MTOR: variants seen among roughly 807,000 people sequenced by gnomAD.
MTOR encodes the protein serine/threonine-protein kinase mTOR.
A neutral mutation model predicts 319.8 loss-of-function variants in MTOR; 70 were observed. The observed-to-expected ratio is 0.22, with a 90% CI of 0.18 to 0.27. MTOR has a LOEUF of 0.27. MTOR is among the 10% of genes least tolerant of loss of function. The pLI is 1.00. For synonymous variants in MTOR, 1,183 were observed against 1,211.4 expected (o/e 0.98, Z 0.49); for missense variants, 1,890 against 3,274.4 (o/e 0.58, Z 10.32).
intron 19 of MTOR, among the ~76,000 whole-genome samples, chr1:11,222,965 A>G (rs1013699421): frequency 1.3e-5 from 2 of 151,994 alleles, no homozygotes; most frequent in Non-Finnish European, 2.9e-5. Context: ...CATATGGAAA[A>G]TATCTGTTTA....
chr1:11,162,371 T>C (rs1243541432), intron 29 of MTOR, among the ~76,000 whole-genome samples: 2 of 152,158 alleles, frequency 1.3e-5, no homozygotes, highest in African/African-American at 4.8e-5. Context: ...CAGGATATTA[T>C]CCAGGAGAAC....
At chr1:11,227,022 G>T (rs1455136693) in intron 19 of MTOR, among the ~76,000 whole-genome samples, 1 of 145,194 alleles carries the variant, frequency 6.9e-6, no homozygotes, top group African/African-American at 2.6e-5. Flanking sequence ...TTCCGGCCAG[G>T]CGTGGTGGCT....
rs371009352 is a variant in MTOR, at chr1:11,204,512, T to C, written c.3944+49A>G. 39 of 1,562,982 alleles carry C rather than the reference T, an allele frequency of 2.5e-5. 1 individual carries two copies. Among genetic ancestry groups the C allele is most frequent in the Admixed American group, 2.1e-4 (11 of 51,218 alleles). ...CTTCTAATAAAAACTAATTTGTATA[T>C]ATCGTTTTCTATGTGCTGATCTTCT... On this transcript the variant is annotated intron_variant, in intron 26 of 57. Transcript: ENST00000361445.
chr1:11,193,518 G>C (rs1338184629), intron 28 of MTOR: 3 of 1,474,178 alleles, frequency 2.0e-6, no homozygotes, highest in Non-Finnish European at 2.7e-6. Flanking sequence ...TGGGAAGCCT[G>C]CCCTCTTGCT....
chr1:11,222,346 G>GC (rs1646695351), intron 19 of MTOR, among the ~76,000 whole-genome samples: 1 of 151,950 alleles, frequency 6.6e-6, no homozygotes, highest in African/African-American at 2.4e-5. Context: ...ACAGGTGCCT[G>GC]CCACCATGCC....
intron 28 of MTOR, chr1:11,189,878 G>A (rs143359087): frequency 1.2e-6 from 2 of 1,614,194 alleles, no homozygotes; most frequent in Non-Finnish European, 1.7e-6. Context: ...GATGCTGAGA[G>A]CAAGTACTCC....
chr1:11,246,108 T>C (rs907939866), intron 8 of MTOR, among the ~76,000 whole-genome samples: 4 of 152,238 alleles, frequency 2.6e-5, no homozygotes, highest in African/African-American at 7.2e-5. Flanking sequence ...CAAATACTTA[T>C]ACGGTGTGCC....
chr1:11,233,897 A>G (rs1412807933), intron 14 of MTOR, among the ~76,000 whole-genome samples: 1 of 152,170 alleles, frequency 6.6e-6, no homozygotes, highest in Admixed American at 6.5e-5. Flanking sequence ...CTTTCCAAAC[A>G]TCTGCGATGA....
chr1:11,121,933 T>A lies in MTOR; in HGVS notation c.6810+46A>T. The stretch of plus-strand genomic sequence containing the variant: ...ATGAGAAAAGCAGCGCTACGGAGAT[T>A]CCCTGCCACGGAAGGGGCACTAGCT... On this transcript the variant is annotated intron_variant, in intron 48 of 57. Coordinates refer to ENST00000361445, the MANE Select transcript of MTOR (RefSeq NM_004958.4). This position sits in a 1 kb window ranked among gnomAD's most constrained non-coding sequence, Gnocchi z 4.9. The A allele has an allele frequency of 6.2e-7, 1 of 1,606,290 alleles. No homozygotes were observed. Among genetic ancestry groups the A allele is most frequent in the Non-Finnish European group, 8.5e-7 (1 of 1,174,744 alleles).
At chr1:11,225,388 AAAT>A (rs985432503) in intron 19 of MTOR, among the ~76,000 whole-genome samples, 3 of 151,606 alleles carry the variant, frequency 2.0e-5, no homozygotes, top group Admixed American at 6.6e-5. Context: ...AGAAAAAGTA[AAAT>A]AATAATAGAT....
At chr1:11,229,848 A>G (rs1226292009) in intron 18 of MTOR, among the ~76,000 whole-genome samples, 1 of 152,024 alleles carries the variant, frequency 6.6e-6, no homozygotes, top group Non-Finnish European at 1.5e-5. Context: ...GTGGTGGCAC[A>G]CGCCTGTAGT....
intron 30 of MTOR, 66 bp from the exon 31 acceptor site, chr1:11,150,292 T>C: frequency 1.4e-6 from 2 of 1,417,866 alleles, no homozygotes; most frequent in African/African-American, 1.4e-5. Flanking sequence ...CTTCCTCTCC[T>C]GCCCCTTGGG....
At chr1:11,163,285 G>T (rs1644536728) in intron 29 of MTOR, among the ~76,000 whole-genome samples, 1 of 152,126 alleles carries the variant, frequency 6.6e-6, no homozygotes. Flanking sequence ...GATTCATAAA[G>T]CAAGTCCTTA....
At chr1:11,120,872 G>A (rs970961655) in intron 49 of MTOR, among the ~76,000 whole-genome samples, 1 of 152,100 alleles carries the variant, frequency 6.6e-6, no homozygotes, top group Non-Finnish European at 1.5e-5. Context: ...CACAGATGCA[G>A]AAGCTACGGA....
At chr1:11,114,573 G>T in intron 52 of MTOR, 120 bp from the exon 53 acceptor site, 1 of 1,405,792 alleles carries the variant, frequency 7.1e-7, no homozygotes. Context: ...GTATCAGGGT[G>T]AGAATGTCTT....
chr1:11,188,799 A>G (rs1353239685), intron 28 of MTOR, among the ~76,000 whole-genome samples: 1 of 152,220 alleles, frequency 6.6e-6, no homozygotes, highest in African/African-American at 2.4e-5. Flanking sequence ...CTAAGTTGGA[A>G]GATTTCAAAT....
rs551587736 is a variant in MTOR, at chr1:11,120,050, T to TAA, written c.6933+1194_6933+1195dup. Among the ~76,000 whole-genome samples, 779 of 124,286 alleles carry TAA rather than the reference T, an allele frequency of 6.3e-3. 7 individuals are homozygous for TAA. Among genetic ancestry groups the TAA allele is most frequent in the African/African-American group, 0.022 (733 of 33,964 alleles). 81.5% of individuals were successfully genotyped at this position (124,286 alleles called of 152,430 possible). ...GGGTGACACAGTGAGACTTTGTCTCTAAAAAAAAAAAAAAAAATTTATATA... is the reference window on the plus strand; with the variant it reads ...GGGTGACACAGTGAGACTTTGTCTCTAAAAAAAAAAAAAAAAAAATTTATATA... On this transcript the variant is annotated intron_variant, in intron 49 of 57. Coordinates refer to ENST00000361445, the MANE Select transcript of MTOR (RefSeq NM_004958.4).
rs773289098 is a variant in MTOR, at chr1:11,231,365, G to A, written c.2584C>T (p.Pro862Ser). The A allele has an allele frequency of 1.2e-6, 2 of 1,614,116 alleles. No individual in the cohort carries two copies. Among genetic ancestry groups the A allele is most frequent in the South Asian group, 1.1e-5 (1 of 91,084 alleles). ...TTCAGTAGCACCTCAAGCAAAGTAG[G>A]GTACTTCCTGTAGGGCTCTACTACA... is the stretch of plus-strand genomic sequence containing the variant. ...GYVVEPYRKYPTLLEVLLNFL... is the reference protein window; with the variant it reads ...GYVVEPYRKYSTLLEVLLNFL... The change falls in exon 17 of 58, where the codon CCT becomes TCT. Residue 862 changes from proline (P) to serine (S), a missense_variant. Physicochemically the swap from Pro to Ser is moderately conservative, Grantham distance 74. This residue lies in a region of MTOR where 377 missense variants were observed against 653.9 expected (regional missense o/e 0.58). Coordinates refer to ENST00000361445, the MANE Select transcript of MTOR (RefSeq NM_004958.4).
chr1:11,150,681 A>T (rs943016717), intron 30 of MTOR, among the ~76,000 whole-genome samples: 9 of 152,210 alleles, frequency 5.9e-5, no homozygotes, highest in African/African-American at 2.2e-4. Flanking sequence ...ACCCAGATGA[A>T]ATCAATCTGT....
Sources: gnomAD v4.1 joint callset for allele counts (sites outside exome capture counted in the v4.1 genomes callset) on GRCh38, gnomAD v4.1.1 for gene constraint, gnomAD v4.1.1 regional missense constraint, Gnocchi (gnomAD v3.1) non-coding constraint, MANE v1.5 for transcripts, NCBI Gene and HGNC (gene_info 2026-07-23, HGNC 2026-07-21) for gene names.